The following WSB1 variants were observed in gnomAD, a reference collection of about 807,000 sequenced individuals.
The protein encoded by WSB1 is WD repeat and SOCS box-containing protein 1.
In WSB1, 23 loss-of-function variants were observed where a neutral mutation model predicts 50.2. That is an observed-to-expected ratio of 0.46 (90% CI 0.33 to 0.65). The LOEUF (loss-of-function observed/expected upper bound fraction) is 0.65, where lower values mean the gene tolerates loss of function less well. Among genes scored for constraint, WSB1 ranks in the 30% least tolerant of loss-of-function variants. The pLI is 0.02. For missense variants in WSB1, 492 were observed against 522.3 expected (o/e 0.94, Z 0.56); for synonymous variants, 179 against 172.0 (o/e 1.04, Z -0.32).
intron 5 of WSB1, chr17:27,307,452 C>T: frequency 4.3e-6 from 2 of 461,708 alleles, no homozygotes; most frequent in East Asian, 4.1e-5. Context: ...TTTACCAGCT[C>T]TGTTAGTATA....
chr17:27,311,447 T>A, intron 7 of WSB1, 62 bp from the exon 8 acceptor site: 1 of 1,393,526 alleles, frequency 7.2e-7, no homozygotes, highest in Non-Finnish European at 9.9e-7. Flanking sequence ...TTCTAAATTT[T>A]AAAAAAGTTG....
Position 27,315,078 on chromosome 17 carries a change from C to T in WSB1, c.*2709C>T, listed in dbSNP as rs2017805532. On this transcript the variant is annotated 3_prime_UTR_variant, in exon 9 of 9. Coordinates refer to ENST00000262394, the MANE Select transcript of WSB1 (RefSeq NM_015626.10). ...GAAAGGAAGATTGCAGCGTATATGT[C>T]AAGTAGAAACATGTTTGAATTTTCC... 6.7e-6 allele frequency: 1 copy of T among 149,986 alleles called. No homozygotes were observed. Among genetic ancestry groups the T allele is most frequent in the Non-Finnish European group, 1.5e-5 (1 of 68,004 alleles). 9.3% of individuals were successfully genotyped at this position (149,986 alleles called of 1,614,324 possible).
intron 1 of WSB1, among the ~76,000 whole-genome samples, chr17:27,300,368 A>G (rs1319958295): frequency 6.6e-6 from 1 of 152,218 alleles, no homozygotes; most frequent in Non-Finnish European, 1.5e-5. Flanking sequence ...AGACCAACCC[A>G]AAATAGGTGA....
intron 1 of WSB1, 163 bp from the exon 2 acceptor site, chr17:27,301,625 T>G: frequency 1.9e-6 from 1 of 527,844 alleles, no homozygotes; most frequent in Non-Finnish European, 3.2e-6. Context: ...CGTTAAGGGG[T>G]CTTCATATAC....
intron 1 of WSB1, among the ~76,000 whole-genome samples, chr17:27,300,737 T>C (rs1424669152): frequency 6.6e-6 from 1 of 151,646 alleles, no homozygotes; most frequent in Non-Finnish European, 1.5e-5. Context: ...TCACCCAGGC[T>C]GGAGTGCAGT....
chr17:27,296,559 T>C (rs1184456568), intron 1 of WSB1, among the ~76,000 whole-genome samples: 1 of 152,220 alleles, frequency 6.6e-6, no homozygotes, highest in African/African-American at 2.4e-5. Context: ...GATTAAATAA[T>C]TCTGTGATAC....
At chr17:27,304,675 G>C in intron 3 of WSB1, 105 bp from the exon 4 acceptor site, 3 of 1,159,022 alleles carry the variant, frequency 2.6e-6, no homozygotes, top group Middle Eastern at 2.9e-4. Flanking sequence ...TTACGCCATT[G>C]CACTCCAGCC....
At chr17:27,309,839 C>T (rs1249518733) in intron 6 of WSB1, among the ~76,000 whole-genome samples, 3 of 152,128 alleles carry the variant, frequency 2.0e-5, no homozygotes, top group Non-Finnish European at 4.4e-5. Flanking sequence ...CCTTAACCTC[C>T]CAAAGTGCTG....
intron 1 of WSB1, 122 bp downstream of exon 1, chr17:27,294,557 C>G: frequency 1.4e-6 from 2 of 1,401,002 alleles, no homozygotes; most frequent in Non-Finnish European, 1.9e-6. Flanking sequence ...CAGGGCCAGC[C>G]CACTAGCGAG....
At position 27,294,346 on chromosome 17, in the gene WSB1, T is replaced by A; in HGVS notation, c.-50T>A. The A allele has an allele frequency of 6.2e-7, 1 of 1,605,166 alleles. No individual in the cohort carries two copies. The highest frequency in any genetic ancestry group is 8.5e-7 in the Non-Finnish European group (1 of 1,174,104). ...CCCCTCAGCGGTCGCCACTCTCTTC[T>A]CTGTTGTTGGGTCCGCATCGTATTC... On this transcript the variant is annotated 5_prime_UTR_variant, in exon 1 of 9. Transcript: ENST00000262394.
intron 1 of WSB1, among the ~76,000 whole-genome samples, chr17:27,295,266 TCTTA>T (rs1195463893): frequency 2.0e-5 from 3 of 152,200 alleles, no homozygotes; most frequent in African/African-American, 7.2e-5. Flanking sequence ...CAAACACTGA[TCTTA>T]CTGTGTGAAG....
At position 27,294,342 on chromosome 17, in the gene WSB1, C is replaced by A; in HGVS notation, c.-54C>A. 1 of 1,605,036 alleles carries A rather than the reference C, an allele frequency of 6.2e-7. No homozygotes were observed. The highest frequency in any genetic ancestry group is 8.5e-7 in the Non-Finnish European group (1 of 1,173,868). On this transcript the variant is annotated 5_prime_UTR_variant, in exon 1 of 9. Coordinates refer to ENST00000262394, the MANE Select transcript of WSB1 (RefSeq NM_015626.10). ...CACGCCCCTCAGCGGTCGCCACTCT[C>A]TTCTCTGTTGTTGGGTCCGCATCGT...
intron 5 of WSB1, chr17:27,307,230 C>G (rs1161997460): frequency 4.7e-6 from 1 of 212,438 alleles, no homozygotes; most frequent in Non-Finnish European, 9.3e-6. Context: ...TTTTTTGGTC[C>G]AGTTTGCTGT....
rs778816914 is a variant in WSB1 at position 27,301,914 on chromosome 17, G to T, written c.167G>T (p.Arg56Leu). 3 of 1,609,724 alleles carry T rather than the reference G, an allele frequency of 1.9e-6. No individual in the cohort carries two copies. The highest frequency in any genetic ancestry group is 2.5e-6 in the Non-Finnish European group (3 of 1,178,314). ...TACTTTGCTTGGTCACAAGGACATC[G>T]CACAGTAAAGCTTGTTCCGTGGTCC... ...GSYFAWSQGHRTVKLVPWSQC... is the reference protein window; with the variant it reads ...GSYFAWSQGHLTVKLVPWSQC... Residue 56 changes from arginine to leucine, a missense_variant, in exon 2 of 9, where the codon CGC (arginine) becomes CTC (leucine). Physicochemically the swap from Arg to Leu is moderately radical, Grantham distance 102 (BLOSUM62 -2). Coordinates refer to ENST00000262394, the MANE Select transcript of WSB1 (RefSeq NM_015626.10).
At chr17:27,305,050 C>T in intron 4 of WSB1, 139 bp downstream of exon 4, 1 of 1,064,778 alleles carries the variant, frequency 9.4e-7, no homozygotes, top group Non-Finnish European at 1.4e-6. Context: ...CACTTAGGTT[C>T]CTTTCCTGAA....
intron 5 of WSB1, chr17:27,307,642 CAGTTT>C (rs1168566672): frequency 1.1e-5 from 13 of 1,158,788 alleles, no homozygotes; most frequent in East Asian, 2.7e-5. Flanking sequence ...GCAAGATACT[CAGTTT>C]AGTTCTTTAC....
At chr17:27,305,087 C>T (rs1338585793) in intron 4 of WSB1, among the ~76,000 whole-genome samples, 176 bp downstream of exon 4, 1 of 152,098 alleles carries the variant, frequency 6.6e-6, no homozygotes, top group Non-Finnish European at 1.5e-5. Flanking sequence ...ATAAATGTGA[C>T]CCAGAATAGG....
intron 1 of WSB1, among the ~76,000 whole-genome samples, chr17:27,300,300 T>C (rs2017173829): frequency 6.6e-6 from 1 of 152,158 alleles, no homozygotes; most frequent in Non-Finnish European, 1.5e-5. Context: ...AAATATATTA[T>C]TATACAGTGT....
rs1313493009 is a variant in WSB1, at chr17:27,306,770, C to CT, written c.611-7dup. The CT allele has an allele frequency of 6.2e-7, 1 of 1,613,134 alleles. No individual in the cohort carries two copies. Among genetic ancestry groups the CT allele is most frequent in the South Asian group, 1.1e-5 (1 of 90,922 alleles). On this transcript the variant is annotated splice_polypyrimidine_tract_variant and intron_variant, in intron 4 of 8. Transcript: ENST00000262394. ...ATTCTAGGGTTAATACAGATTATTT[C>CT]TTTTTGTTCAGGAAACATGATGAAA...
Sources: gnomAD v4.1 joint callset for allele counts (sites outside exome capture counted in the v4.1 genomes callset) on GRCh38, gnomAD v4.1.1 for gene constraint, MANE v1.5 for transcripts, NCBI Gene and HGNC (gene_info 2026-07-23, HGNC 2026-07-21) for gene names.